Variants in LIN52 observed in about 807,000 individuals in gnomAD.
The protein encoded by LIN52 is protein lin-52 homolog.
Under a neutral mutation model 18.5 loss-of-function variants are expected in LIN52, and 4 were observed. The observed-to-expected ratio is 0.22, with a 90% CI of 0.11 to 0.49. The LOEUF is 0.49. Ranked by LOEUF, LIN52 falls within the 20% of genes least tolerant of loss-of-function variation. LIN52 has a pLI of 0.97. For missense variants in LIN52, 102 were observed against 139.5 expected (o/e 0.73, Z 1.35); for synonymous variants, 34 against 45.5 (o/e 0.75, Z 1.02).
intron 4 of LIN52, 63 bp downstream of exon 4, chr14:74,097,923 A>AC (rs1555379990): frequency 1.8e-6 from 2 of 1,098,202 alleles, no homozygotes; most frequent in African/African-American, 3.3e-5. Flanking sequence ...CCACCTCTCT[A>AC]TTTTTTTTTT....
chr14:74,165,655 C>T (rs2061246405), intron 5 of LIN52, among the ~76,000 whole-genome samples: 1 of 148,788 alleles, frequency 6.7e-6, no homozygotes, highest in Non-Finnish European at 1.5e-5. Context: ...ATTACAGGCA[C>T]ATGCCACCAC....
chr14:74,148,014 T>A (rs1410688680), intron 5 of LIN52, among the ~76,000 whole-genome samples: 1 of 152,170 alleles, frequency 6.6e-6, no homozygotes, highest in Non-Finnish European at 1.5e-5. Context: ...ATGTGAATTA[T>A]ATCTCAAGTT....
At chr14:74,171,068 T>G (rs947279841) in intron 5 of LIN52, among the ~76,000 whole-genome samples, 3 of 151,680 alleles carry the variant, frequency 2.0e-5, no homozygotes, top group African/African-American at 2.4e-5. Context: ...TTTAACATGT[T>G]TCTGAAAAAT....
chr14:74,103,943 G>A (rs2060880299), intron 5 of LIN52, among the ~76,000 whole-genome samples: 1 of 149,558 alleles, frequency 6.7e-6, no homozygotes, highest in Admixed American at 6.7e-5. Context: ...CCAGGTTGGA[G>A]GTTGAAGTGC....
intron 5 of LIN52, among the ~76,000 whole-genome samples, chr14:74,182,267 C>T (rs1416428780): frequency 6.6e-6 from 1 of 152,204 alleles, no homozygotes; most frequent in Non-Finnish European, 1.5e-5. Context: ...CCGCCTAGGC[C>T]TCCCAAAGTG....
intron 2 of LIN52, among the ~76,000 whole-genome samples, chr14:74,093,623 G>A (rs72627155): frequency 2.0e-5 from 3 of 151,880 alleles, no homozygotes; most frequent in African/African-American, 2.4e-5. Context: ...ACTGCACCTG[G>A]CCCACTCTTA....
intron 5 of LIN52, among the ~76,000 whole-genome samples, chr14:74,130,588 AT>A (rs34746271): frequency 0.019 from 1,352 of 72,940 alleles, 9 homozygotes; most frequent in African/African-American, 0.074. Flanking sequence ...TAAATTGGCC[AT>A]TTTTTTTTTT....
intron 1 of LIN52, among the ~76,000 whole-genome samples, chr14:74,086,447 A>G (rs942103026): frequency 6.6e-5 from 10 of 151,958 alleles, no homozygotes; most frequent in African/African-American, 2.2e-4. Context: ...GAGCTCAGGA[A>G]TTGAAGACCA....
intron 5 of LIN52, among the ~76,000 whole-genome samples, chr14:74,143,356 G>A (rs1205978440): frequency 3.3e-5 from 5 of 152,054 alleles, no homozygotes; most frequent in Admixed American, 6.5e-5. Flanking sequence ...CGAGACCAGC[G>A]TGGACGACAT....
At chr14:74,175,378 T>G (rs532105814) in intron 5 of LIN52, among the ~76,000 whole-genome samples, 170 of 150,858 alleles carry the variant, frequency 1.1e-3, no homozygotes, top group Middle Eastern at 7.0e-3. Context: ...GAGGCCAAGG[T>G]GGGAGGATCA....
chr14:74,189,485 T>A (rs2061354514), intron 5 of LIN52, among the ~76,000 whole-genome samples: 1 of 152,196 alleles, frequency 6.6e-6, no homozygotes, highest in Non-Finnish European at 1.5e-5. Flanking sequence ...AGCTAAGAAG[T>A]TGTTAGCTCT....
rs2060770735 is a variant in LIN52, at chr14:74,091,290, T to A, written c.78T>A (p.Asp26Glu). The change falls in exon 2 of 6, where the codon GAT becomes GAA. Residue 26 changes from aspartate (D) to glutamate (E), a missense_variant. Transcript: ENST00000555028. ...SFEKLDRASP[D>E]LWPEQLPGVA... ...AAAAACTTGACCGTGCCTCACCAGA[T>A]CTTTGGCCAGAACAATGTAAGTTTT... 1 of 1,609,436 alleles carries A rather than the reference T, an allele frequency of 6.2e-7. No homozygotes were observed. Among genetic ancestry groups the A allele is most frequent in the Non-Finnish European group, 8.5e-7 (1 of 1,176,212 alleles).
chr14:74,137,123 A>AC (rs1363927177), intron 5 of LIN52, among the ~76,000 whole-genome samples: 2 of 147,632 alleles, frequency 1.4e-5, no homozygotes, highest in African/African-American at 5.0e-5. Flanking sequence ...CACCCAGCAA[A>AC]CCCCCCTCTG....
intron 5 of LIN52, among the ~76,000 whole-genome samples, chr14:74,165,621 G>A (rs372424137): frequency 2.7e-5 from 4 of 148,436 alleles, no homozygotes; most frequent in South Asian, 4.3e-4. Context: ...CGATTCTCCT[G>A]CCTCAGCTTC....
chr14:74,141,452 ACT>A (rs1469022639), intron 5 of LIN52, among the ~76,000 whole-genome samples: 1 of 152,138 alleles, frequency 6.6e-6, no homozygotes, highest in East Asian at 1.9e-4. Context: ...CCAATTCAAG[ACT>A]CTTTGTAGAT....
At chr14:74,175,607 G>A (rs1416464421) in intron 5 of LIN52, among the ~76,000 whole-genome samples, 1 of 151,892 alleles carries the variant, frequency 6.6e-6, no homozygotes, top group Non-Finnish European at 1.5e-5. Context: ...TGAGGTAGGA[G>A]GATTGCTTGA....
chr14:74,177,087 C>CT (rs1214180651), intron 5 of LIN52, among the ~76,000 whole-genome samples: 3 of 152,054 alleles, frequency 2.0e-5, no homozygotes, highest in Admixed American at 6.6e-5. Flanking sequence ...CAACCTCCAC[C>CT]TCCTGGGTTC....
At chr14:74,120,790 C>T (rs555690702) in intron 5 of LIN52, among the ~76,000 whole-genome samples, 6 of 149,530 alleles carry the variant, frequency 4.0e-5, no homozygotes, top group African/African-American at 9.8e-5. Flanking sequence ...GGCTTGGTGG[C>T]GTGCGCCTGT....
chr14:74,165,273 A>G (rs2061243465), intron 5 of LIN52, among the ~76,000 whole-genome samples: 1 of 151,848 alleles, frequency 6.6e-6, no homozygotes, highest in African/African-American at 2.4e-5. Context: ...GGGAAGGGGG[A>G]AAAAAAGAGT....
Sources: allele counts gnomAD v4.1 joint callset (sites outside exome capture counted in the v4.1 genomes callset), GRCh38; gene constraint gnomAD v4.1.1; transcripts MANE v1.5; gene names NCBI Gene and HGNC (gene_info 2026-07-23, HGNC 2026-07-21).